SUCLG2: variants seen among roughly 807,000 people sequenced by gnomAD.
The protein encoded by SUCLG2 is succinate-CoA ligase GDP-forming subunit beta.
SUCLG2 carries 42 observed loss-of-function variants against 47.9 expected under a neutral mutation model. The ratio of observed to expected loss-of-function variants is 0.88; its 90% CI spans 0.69 to 1.14. SUCLG2 has a LOEUF of 1.14. Ranked by LOEUF, SUCLG2 falls within the 50% of genes most tolerant of loss-of-function variation. The probability of loss-of-function intolerance (pLI) is 0.00; values close to 1 mark genes in which losing one functional copy is unlikely to be tolerated. For missense variants in SUCLG2, 571 were observed against 525.9 expected, an observed-to-expected ratio of 1.09 and a Z score of -0.84; for synonymous variants, 195 against 197.3, an observed-to-expected ratio of 0.99 and a Z score of 0.10.
chr3:67,623,260 G>A (rs1700765552), intron 1 of SUCLG2, among the ~76,000 whole-genome samples: 1 of 152,076 alleles, frequency 6.6e-6, no homozygotes. Flanking sequence ...CAGCACTTTG[G>A]GAGGCCAAAG....
chr3:67,503,516 T>C (rs555212464), intron 7 of SUCLG2, among the ~76,000 whole-genome samples: 11 of 152,218 alleles, frequency 7.2e-5, no homozygotes, highest in Non-Finnish European at 1.3e-4. Flanking sequence ...TAAACTTGCC[T>C]GCTTAAACCC....
chr3:67,371,793 G>A (rs112251175), downstream of SUCLG2, among the ~76,000 whole-genome samples: 965 of 152,292 alleles, frequency 6.3e-3, 8 homozygotes, highest in Middle Eastern at 0.027. Flanking sequence ...ACAAAGACCA[G>A]TGGCTTTTGA....
At chr3:67,562,823 C>G (rs146519023) in intron 2 of SUCLG2, among the ~76,000 whole-genome samples, 268 of 152,110 alleles carry the variant, frequency 1.8e-3, no homozygotes, top group Non-Finnish European at 3.5e-3. Context: ...GGTGGTAGTC[C>G]CTACTATTAC....
At chr3:67,508,545 C>T (rs1705701592) in intron 7 of SUCLG2, among the ~76,000 whole-genome samples, 1 of 152,138 alleles carries the variant, frequency 6.6e-6, no homozygotes, top group Non-Finnish European at 1.5e-5. Flanking sequence ...GCTGGGATTA[C>T]AGGCATGAGC....
chr3:67,530,388 T>C (rs1446586420), intron 2 of SUCLG2, among the ~76,000 whole-genome samples: 1 of 152,210 alleles, frequency 6.6e-6, no homozygotes. Flanking sequence ...TTATTACCTT[T>C]GTATATTGTA....
intron 10 of SUCLG2, among the ~76,000 whole-genome samples, chr3:67,376,802 G>A (rs1227620254): frequency 6.6e-6 from 1 of 152,150 alleles, no homozygotes; most frequent in Non-Finnish European, 1.5e-5. Flanking sequence ...GAAGATGGCC[G>A]CTTGGCACTG....
chr3:67,614,740 T>C (rs539433423), intron 1 of SUCLG2, among the ~76,000 whole-genome samples: 1 of 152,002 alleles, frequency 6.6e-6, no homozygotes, highest in Non-Finnish European at 1.5e-5. Flanking sequence ...GGTTTCAAGA[T>C]ATAAAGGGAC....
chr3:67,488,119 A>T (rs940066076), intron 9 of SUCLG2, among the ~76,000 whole-genome samples: 50 of 151,632 alleles, frequency 3.3e-4, no homozygotes, highest in African/African-American at 5.6e-4. Flanking sequence ...GTATATATAT[A>T]TATTTTTTAA....
intron 1 of SUCLG2, among the ~76,000 whole-genome samples, chr3:67,622,546 G>A (rs1316210331): frequency 6.6e-6 from 1 of 152,140 alleles, no homozygotes; most frequent in African/African-American, 2.4e-5. Flanking sequence ...ACCCACAGAT[G>A]ACTGTGATAT....
rs59129055 is a variant in SUCLG2, at chr3:67,475,719, C to CT, written c.1062+20078dup. Among the ~76,000 whole-genome samples the CT allele has an allele frequency of 1.9e-3, 285 of 146,714 alleles. 4 individuals carry two copies. In the East Asian group the frequency reaches 0.029, roughly 15 times the overall value. The stretch of plus-strand genomic sequence containing the variant: ...CCCATAATTGATTTTCCTTCCCCTC[C>CT]TTTTTTTTTTTTGAGAGCGAGATGG... On this transcript the variant is annotated intron_variant, in intron 9 of 10. Transcript: ENST00000307227.
intron 2 of SUCLG2, among the ~76,000 whole-genome samples, chr3:67,573,336 A>T (rs1487438729): frequency 6.6e-6 from 1 of 152,226 alleles, no homozygotes; most frequent in Non-Finnish European, 1.5e-5. Flanking sequence ...GAAATGCAAA[A>T]CACCTAGAAT....
rs534955265 is a variant in SUCLG2 at position 67,636,661 on chromosome 3, A to AT, written c.84+17841dup. 5.7e-4 allele frequency among the ~76,000 whole-genome samples: 82 copies of AT among 144,368 alleles called. 3 individuals are homozygous for AT. The highest frequency in any genetic ancestry group is 3.3e-3 in the South Asian group (15 of 4,560). 94.7% of individuals were successfully genotyped at this position (144,368 alleles called of 152,430 possible). On this transcript the variant is annotated intron_variant, in intron 1 of 10. Transcript: ENST00000307227. Reference sequence around the variant, plus strand: ...GCCACTGCACCCAGCCACCTGGCTAATTTTTTTTCTATTTTTAGTAGAGAC... The same window carrying AT: ...GCCACTGCACCCAGCCACCTGGCTAATTTTTTTTTCTATTTTTAGTAGAGAC...
chr3:67,473,273 G>A (rs964093199), intron 9 of SUCLG2, among the ~76,000 whole-genome samples: 5 of 151,978 alleles, frequency 3.3e-5, no homozygotes, highest in African/African-American at 7.3e-5. Flanking sequence ...TTGACCTCCC[G>A]GACTAAGGTG....
At chr3:67,556,793 G>A (rs939487395) in intron 2 of SUCLG2, among the ~76,000 whole-genome samples, 5 of 152,124 alleles carry the variant, frequency 3.3e-5, no homozygotes, top group African/African-American at 7.2e-5. Flanking sequence ...TTTTGGGGCC[G>A]GATAACAAGA....
At chr3:67,579,186 T>C (rs1464492581) in intron 2 of SUCLG2, among the ~76,000 whole-genome samples, 1 of 152,156 alleles carries the variant, frequency 6.6e-6, no homozygotes, top group Non-Finnish European at 1.5e-5. Flanking sequence ...TCCTCATTAA[T>C]AGATCATTTT....
chr3:67,463,541 T>C (rs1190212773), intron 9 of SUCLG2, among the ~76,000 whole-genome samples: 1 of 152,250 alleles, frequency 6.6e-6, no homozygotes, highest in Non-Finnish European at 1.5e-5. Flanking sequence ...ATATATTTTG[T>C]TATAAATGCT....
chr3:67,646,076 G>A (rs1701185207), intron 1 of SUCLG2, among the ~76,000 whole-genome samples: 1 of 130,770 alleles, frequency 7.6e-6, no homozygotes, highest in Non-Finnish European at 1.6e-5. Flanking sequence ...GAAGGGAGGG[G>A]AATGGAGGGG....
intron 4 of SUCLG2, among the ~76,000 whole-genome samples, chr3:67,527,645 T>G (rs1559558824): frequency 6.6e-6 from 1 of 152,216 alleles, no homozygotes; most frequent in Non-Finnish European, 1.5e-5. Flanking sequence ...GTACTTCAGC[T>G]GACCTTCCTA....
intron 2 of SUCLG2, among the ~76,000 whole-genome samples, chr3:67,547,118 G>A (rs1030499525): frequency 7.9e-5 from 12 of 152,086 alleles, no homozygotes; most frequent in African/African-American, 2.9e-4. Flanking sequence ...GGGAGGTGGG[G>A]GCAGAGACCT....
Sources: gnomAD v4.1 joint callset for allele counts (sites outside exome capture counted in the v4.1 genomes callset) on GRCh38, gnomAD v4.1.1 for gene constraint, MANE v1.5 for transcripts, NCBI Gene and HGNC (gene_info 2026-07-23, HGNC 2026-07-21) for gene names.